CA5A: variants seen among roughly 807,000 people sequenced by gnomAD.
The protein encoded by CA5A is carbonic anhydrase 5A, mitochondrial.
In CA5A, 28 loss-of-function variants were observed where a neutral mutation model predicts 37.1. The ratio of observed to expected loss-of-function variants is 0.75; its 90% CI spans 0.56 to 1.03. The LOEUF is 1.03. CA5A is among the 50% of genes least tolerant of loss of function. The pLI, the probability that CA5A is intolerant of heterozygous loss-of-function variation, is 0.00. For synonymous variants in CA5A, 171 were observed against 158.4 expected (o/e 1.08, Z -0.60); for missense variants, 444 against 399.9 (o/e 1.11, Z -0.94).
chr16:87,893,237 C>T (rs1164382001), intron 5 of CA5A: 2 of 414,812 alleles, frequency 4.8e-6, no homozygotes, highest in Non-Finnish European at 8.7e-6. Flanking sequence ...CAGCGATCCT[C>T]CTGCCTCAGC....
chr16:87,887,824 T>C, downstream of CA5A: 1 of 259,064 alleles, frequency 3.9e-6, no homozygotes, highest in Non-Finnish European at 7.4e-6. Context: ...TCTGGCTCAC[T>C]GAACCGTAAG....
chr16:87,898,859 TG>T (rs375433930), intron 5 of CA5A, among the ~76,000 whole-genome samples: 3 of 151,548 alleles, frequency 2.0e-5, no homozygotes, highest in Admixed American at 6.6e-5. Flanking sequence ...CTCAGCCTCC[TG>T]AGTAGCTGGG....
rs191332077 is a variant in CA5A, at chr16:87,933,298, G to A, written c.142+3011C>T. On this transcript the variant is annotated intron_variant, in intron 1 of 6. Coordinates refer to ENST00000649794, the MANE Select transcript of CA5A (RefSeq NM_001739.2). The stretch of plus-strand genomic sequence containing the variant: ...GCCAATTTTAAGTTACCAACGTAAC[G>A]TTGCTGATCACACACTTAGGAACAG... Among the ~76,000 whole-genome samples, 528 of 152,304 alleles carry A rather than the reference G, an allele frequency of 3.5e-3. 2 individuals are homozygous for A. Among genetic ancestry groups the A allele is most frequent in the African/African-American group, 0.012 (484 of 41,554 alleles).
At position 87,891,903 on chromosome 16, in the gene CA5A, A is replaced by C; in HGVS notation, c.670T>G (p.Cys224Gly). 1 of 1,570,280 alleles carries C rather than the reference A, an allele frequency of 6.4e-7. No homozygotes were observed. The highest frequency in any genetic ancestry group is 8.6e-7 in the Non-Finnish European group (1 of 1,159,366). ...CCCGCGTAGGTCCAGTAATCCCAGCAGGTGGGCAGCAGAGTGGAGGGGTCG... is the reference window on the plus strand; with the variant it reads ...CCCGCGTAGGTCCAGTAATCCCAGCCGGTGGGCAGCAGAGTGGAGGGGTCG... ...PFDPSTLLPTCWDYWTYAGSL... is the reference protein window; with the variant it reads ...PFDPSTLLPTGWDYWTYAGSL... The change falls in exon 6 of 7, where the codon TGC becomes GGC. Residue 224 changes from cysteine (C) to glycine (G), a missense_variant. By Grantham distance (159) the Cys-to-Gly change is radical. Transcript: ENST00000649794.
chr16:87,901,888 G>C (rs1401121247), intron 5 of CA5A, 24 bp downstream of exon 5: 1 of 1,605,576 alleles, frequency 6.2e-7, no homozygotes, highest in Admixed American at 1.7e-5. Context: ...CGCCCGGCCT[G>C]CTGATTTCAA....
intron 2 of CA5A, among the ~76,000 whole-genome samples, chr16:87,913,273 C>T (rs2144006622): frequency 6.6e-6 from 1 of 151,770 alleles, no homozygotes; most frequent in East Asian, 1.9e-4. Flanking sequence ...GCCACCACAC[C>T]TGGCCCATCA....
At chr16:87,900,266 C>G (rs1597552044) in intron 5 of CA5A, among the ~76,000 whole-genome samples, 1 of 152,156 alleles carries the variant, frequency 6.6e-6, no homozygotes, top group Non-Finnish European at 1.5e-5. Context: ...GCTGTGGAGC[C>G]GCGTGGAGGA....
chr16:87,916,300 G>A (rs1480476199), intron 2 of CA5A, among the ~76,000 whole-genome samples: 2 of 152,162 alleles, frequency 1.3e-5, no homozygotes, highest in African/African-American at 4.8e-5. Context: ...GGCCCACATG[G>A]TGAAACCCCA....
rs113497481 is a variant in CA5A at position 87,902,308 on chromosome 16, T to G, written c.555+117A>C. ...GGTGCAGGTTGCAATGAGCCGAGAC[T>G]GTGCCACTGCACTCCAGCCTGTGTG... On this transcript the variant is annotated intron_variant, in intron 4 of 6. Coordinates refer to ENST00000649794, the MANE Select transcript of CA5A (RefSeq NM_001739.2). The G allele has an allele frequency of 2.7e-3, 1,839 of 680,912 alleles. 30 individuals carry two copies. The African/African-American group carries it at 0.029, about 11-fold the overall frequency. The allele number at this position is 680,912 out of a possible 1,614,324, so 42.2% of individuals were successfully genotyped here.
At position 87,898,518 on chromosome 16, in the gene CA5A, G is replaced by C. The variant is rs560947560; in HGVS notation, c.618+3394C>G. The stretch of plus-strand genomic sequence containing the variant: ...CTCTCTGGGAATCACCTGACAGAAA[G>C]CACCCGCAGCAACAAAAAGCGATTT... On this transcript the variant is annotated intron_variant, in intron 5 of 6. Transcript: ENST00000649794. 4.2e-4 allele frequency among the ~76,000 whole-genome samples: 64 copies of C among 152,290 alleles called. 1 individual carries two copies. In the South Asian group the frequency reaches 0.013, roughly 32 times the overall value.
chr16:87,909,274 A>G (rs1246110058), intron 2 of CA5A, among the ~76,000 whole-genome samples: 1 of 152,066 alleles, frequency 6.6e-6, no homozygotes, highest in South Asian at 2.1e-4. Context: ...GCCCCTCCTC[A>G]GGCTGGCTCG....
rs766681925 is a variant in CA5A at position 87,926,856 on chromosome 16, G to C, written c.232C>G (p.Pro78Ala). ...NIQWRDSVYDPQLKPLRVSYE... is the reference protein window; with the variant it reads ...NIQWRDSVYDAQLKPLRVSYE... Reference sequence around the variant, plus strand: ...GAGACCCTGAGTGGCTTCAGCTGGGGGTCATAGACGCTGTCCCTCCACTGG... The same window carrying C: ...GAGACCCTGAGTGGCTTCAGCTGGGCGTCATAGACGCTGTCCCTCCACTGG... The change falls in exon 2 of 7, where the codon CCC (proline) becomes GCC (alanine). Residue 78 changes from proline (P) to alanine (A), a missense_variant. Transcript: ENST00000649794. The C allele has an allele frequency of 5.6e-6, 9 of 1,613,346 alleles. No homozygotes were observed. Among genetic ancestry groups the C allele is most frequent in the Non-Finnish European group, 5.9e-6 (7 of 1,179,596 alleles).
At chr16:87,920,905 T>C (rs150718100) in intron 2 of CA5A, among the ~76,000 whole-genome samples, 6 of 152,330 alleles carry the variant, frequency 3.9e-5, no homozygotes, top group East Asian at 1.9e-4. Context: ...GCGATTTTCC[T>C]GCCTCAGCCT....
intron 5 of CA5A, among the ~76,000 whole-genome samples, chr16:87,893,915 C>T (rs569452733): frequency 1.1e-4 from 17 of 151,942 alleles, no homozygotes; most frequent in African/African-American, 4.1e-4. Flanking sequence ...TAGGACACCA[C>T]ACCAGGGTTT....
chr16:87,896,342 C>A (rs1309090452), intron 5 of CA5A, among the ~76,000 whole-genome samples: 1 of 152,158 alleles, frequency 6.6e-6, no homozygotes, highest in Non-Finnish European at 1.5e-5. Context: ...AAGAGGATGC[C>A]TGTGTGTTGC....
At chr16:87,921,911 A>C (rs1015853758) in intron 2 of CA5A, among the ~76,000 whole-genome samples, 1 of 151,806 alleles carries the variant, frequency 6.6e-6, no homozygotes, top group African/African-American at 2.4e-5. Flanking sequence ...TGTGTTGCCC[A>C]GGCTGGAGTT....
At chr16:87,903,947 C>A (rs1201703752) in intron 3 of CA5A, among the ~76,000 whole-genome samples, 1 of 152,164 alleles carries the variant, frequency 6.6e-6, no homozygotes, top group Non-Finnish European at 1.5e-5. Context: ...TAAGGCATCA[C>A]TTATCACCCC....
chr16:87,931,459 A>C (rs1042246157), intron 1 of CA5A, among the ~76,000 whole-genome samples: 2 of 152,222 alleles, frequency 1.3e-5, no homozygotes, highest in Non-Finnish European at 2.9e-5. Flanking sequence ...TGGGGAAGAC[A>C]CATCTGTGGG....
rs2055718095 is a variant in CA5A at position 87,891,799 on chromosome 16, C to G, written c.774G>C (p.Gln258His). ...QKEPVEVAPS[Q>H]LSAFRTLLFS... ...CGTGCCAGTTACGGGCACGGCTCAC[C>G]TGGCTTGGGGCCACTTCAACGGGCT... Residue 258 changes from glutamine (Q) to histidine (H), a missense_variant and splice_region_variant, in exon 6 of 7, where the codon CAG becomes CAC. Transcript: ENST00000649794. 1 of 1,508,200 alleles carries G rather than the reference C, an allele frequency of 6.6e-7. No individual in the cohort carries two copies. The allele number at this position is 1,508,200 out of a possible 1,614,324, so 93.4% of individuals were successfully genotyped here. A position where few individuals can be genotyped will look rare whatever the true frequency, so the allele number is the denominator to read the frequency against.
Sources: gnomAD v4.1 joint callset for allele counts (sites outside exome capture counted in the v4.1 genomes callset) on GRCh38, gnomAD v4.1.1 for gene constraint, MANE v1.5 for transcripts, NCBI Gene and HGNC (gene_info 2026-07-23, HGNC 2026-07-21) for gene names.